Variants in CNTLN observed in about 807,000 individuals in gnomAD.
CNTLN encodes the protein centlein, centrosomal protein.
CNTLN carries 212 observed loss-of-function variants against 180.0 expected under a neutral mutation model. The ratio of observed to expected loss-of-function variants is 1.18; its 90% CI spans 1.05 to 1.32. The LOEUF is 1.32. Ranked by LOEUF, CNTLN falls within the 40% of genes most tolerant of loss-of-function variation. CNTLN has a pLI of 0.00. For missense variants in CNTLN, 2,095 were observed against 1,610.9 expected (o/e 1.30, Z -5.14); for synonymous variants, 722 against 563.1 (o/e 1.28, Z -3.99).
intron 13 of CNTLN, among the ~76,000 whole-genome samples, chr9:17,385,978 A>G (rs1264873007): frequency 6.6e-6 from 1 of 152,216 alleles, no homozygotes; most frequent in Non-Finnish European, 1.5e-5. Flanking sequence ...TTTTCCTAAA[A>G]GTGAAATAAA....
Position 17,462,425 on chromosome 9 carries a change from A to C in CNTLN, c.3307-491A>C, listed in dbSNP as rs539252467. ...TTAAGGCCTGGGAACTGAAATTTAC[A>C]CAATTCATTTCTGCTGCATTCTTTT... On this transcript the variant is annotated intron_variant, in intron 19 of 25. Transcript: ENST00000380647. Among the ~76,000 whole-genome samples, 3 of 151,908 alleles carry C rather than the reference A, an allele frequency of 2.0e-5. No homozygotes were observed. The South Asian group carries it at 6.2e-4, about 32-fold the overall frequency.
chr9:17,281,422 C>T (rs1199926540), intron 6 of CNTLN, among the ~76,000 whole-genome samples: 1 of 152,034 alleles, frequency 6.6e-6, no homozygotes, highest in Non-Finnish European at 1.5e-5. Context: ...AGCTATTTAT[C>T]CTGATGTTCT....
intron 16 of CNTLN, among the ~76,000 whole-genome samples, chr9:17,415,039 T>C (rs999212145): frequency 6.6e-6 from 1 of 151,900 alleles, no homozygotes; most frequent in Non-Finnish European, 1.5e-5. Context: ...TGAACTGAGA[T>C]TGTGCCACTG....
chr9:17,528,199 CATT>C, the CNTLN span, among the ~76,000 whole-genome samples: 435 of 152,280 alleles, frequency 2.9e-3, 1 homozygote, highest in Middle Eastern at 0.01. Flanking sequence ...CTGAAGAACA[CATT>C]ATAGAAAGCA....
At chr9:17,203,620 G>C (rs527884152) in intron 2 of CNTLN, among the ~76,000 whole-genome samples, 1 of 152,030 alleles carries the variant, frequency 6.6e-6, no homozygotes, top group Non-Finnish European at 1.5e-5. Context: ...GCAGTGGCGC[G>C]ATCTCGGCTC....
chr9:17,521,951 G>C, the CNTLN span, among the ~76,000 whole-genome samples: 4 of 152,206 alleles, frequency 2.6e-5, no homozygotes, highest in African/African-American at 9.6e-5. Context: ...GGGAAAACCT[G>C]AGTATAATTC....
Position 17,226,261 on chromosome 9 carries a change from G to T in CNTLN, c.508G>T (p.Asp170Tyr). 1.9e-6 allele frequency: 3 copies of T among 1,577,608 alleles called. No individual in the cohort carries two copies. Among genetic ancestry groups the T allele is most frequent in the South Asian group, 2.4e-5 (2 of 83,598 alleles). Residue 170 changes from aspartate (D) to tyrosine (Y), a missense_variant, in exon 3 of 26, where the codon GAT (aspartate) becomes TAT (tyrosine). Physicochemically the swap from Asp to Tyr is radical, Grantham distance 160. Coordinates refer to ENST00000380647, the MANE Select transcript of CNTLN (RefSeq NM_017738.4). ...AGTTCTAGAAATTCTGCAAGTCAAG[G>T]ATGCCAAAATACAAGAATTTGAACA... ...RKVLEILQVKDAKIQEFEQRE... is the reference protein window; with the variant it reads ...RKVLEILQVKYAKIQEFEQRE...
intron 5 of CNTLN, among the ~76,000 whole-genome samples, chr9:17,241,245 C>T (rs1825472306): frequency 6.6e-6 from 1 of 152,166 alleles, no homozygotes; most frequent in African/African-American, 2.4e-5. Flanking sequence ...TACATGGCAA[C>T]AGATAGGGGT....
chr9:17,353,886 G>A (rs1015479029), intron 12 of CNTLN, among the ~76,000 whole-genome samples: 1 of 152,186 alleles, frequency 6.6e-6, no homozygotes, highest in African/African-American at 2.4e-5. Context: ...CCCCTTTCTG[G>A]GCTGGCCAAG....
intron 6 of CNTLN, among the ~76,000 whole-genome samples, chr9:17,289,488 T>G (rs1563960818): frequency 7.3e-6 from 1 of 136,770 alleles, no homozygotes; most frequent in Non-Finnish European, 1.5e-5. Context: ...TTATGTGTCT[T>G]GGAGTTGCTC....
intron 18 of CNTLN, among the ~76,000 whole-genome samples, chr9:17,449,856 A>G (rs1207686120): frequency 6.6e-6 from 1 of 152,226 alleles, no homozygotes; most frequent in African/African-American, 2.4e-5. Context: ...TATTCATATA[A>G]ATTAAAAGTA....
chr9:17,423,041 A>C (rs1171629093), intron 18 of CNTLN, among the ~76,000 whole-genome samples: 1 of 152,168 alleles, frequency 6.6e-6, no homozygotes, highest in Non-Finnish European at 1.5e-5. Flanking sequence ...AGAGACTGTC[A>C]TTCTCTTCCC....
At chr9:17,490,837 G>A (rs1449231050) in intron 25 of CNTLN, among the ~76,000 whole-genome samples, 3 of 152,060 alleles carry the variant, frequency 2.0e-5, no homozygotes, top group African/African-American at 7.2e-5. Flanking sequence ...TTTCACGTGT[G>A]TTGTGCCCCC....
At chr9:17,358,219 A>G (rs1248082823) in intron 12 of CNTLN, among the ~76,000 whole-genome samples, 3 of 152,082 alleles carry the variant, frequency 2.0e-5, no homozygotes, top group African/African-American at 7.2e-5. Context: ...AGCAATCTAA[A>G]TGTCTCTTAG....
At chr9:17,216,783 G>A (rs1373264860) in intron 2 of CNTLN, among the ~76,000 whole-genome samples, 1 of 152,158 alleles carries the variant, frequency 6.6e-6, no homozygotes, top group African/African-American at 2.4e-5. Flanking sequence ...GTTGTACCCT[G>A]TCCCATGTGT....
At chr9:17,313,904 C>T (rs1305219832) in intron 8 of CNTLN, among the ~76,000 whole-genome samples, 1 of 152,060 alleles carries the variant, frequency 6.6e-6, no homozygotes, top group Non-Finnish European at 1.5e-5. Context: ...TCAAGTGATT[C>T]ACCTGCCTCA....
intron 8 of CNTLN, among the ~76,000 whole-genome samples, chr9:17,326,572 A>G (rs1442237185): frequency 6.6e-6 from 1 of 152,106 alleles, no homozygotes; most frequent in Non-Finnish European, 1.5e-5. Flanking sequence ...TAAGTTTTTA[A>G]AAAGCAAGTA....
At chr9:17,479,769 A>G (rs1012930364) in intron 23 of CNTLN, among the ~76,000 whole-genome samples, 1 of 152,208 alleles carries the variant, frequency 6.6e-6, no homozygotes, top group African/African-American at 2.4e-5. Context: ...ATAGAATAAC[A>G]TGACTGGTAT....
chr9:17,278,018 G>C (rs1458410609), intron 6 of CNTLN, among the ~76,000 whole-genome samples: 1 of 152,104 alleles, frequency 6.6e-6, no homozygotes, highest in Non-Finnish European at 1.5e-5. Context: ...TTAGTATCCT[G>C]TGACGGAAGC....
Sources: allele counts gnomAD v4.1 joint callset (sites outside exome capture counted in the v4.1 genomes callset), GRCh38; gene constraint gnomAD v4.1.1; transcripts MANE v1.5; gene names NCBI Gene and HGNC (gene_info 2026-07-23, HGNC 2026-07-21).